Variants in CSMD1 observed in about 807,000 individuals in gnomAD.
CSMD1 encodes CUB and sushi domain-containing protein 1.
CSMD1 carries 213 observed loss-of-function variants against 417.5 expected under a neutral mutation model. That is an observed-to-expected ratio of 0.51 (90% CI 0.46 to 0.57). The LOEUF (loss-of-function observed/expected upper bound fraction) is 0.57, where lower values mean the gene tolerates loss of function less well. CSMD1 is among the 20% of genes least tolerant of loss of function. The pLI is 0.00. For synonymous variants in CSMD1, 2,862 were observed against 1,736.8 expected (o/e 1.65, Z -16.11); for missense variants, 6,923 against 4,529.7 (o/e 1.53, Z -15.17).
intron 2 of CSMD1, among the ~76,000 whole-genome samples, chr8:4,473,327 T>A (rs1308639210): frequency 6.6e-6 from 1 of 152,126 alleles, no homozygotes; most frequent in African/African-American, 2.4e-5. Flanking sequence ...GGAGGGAAAA[T>A]CAGCAGAGAC....
At chr8:3,450,014 C>T (rs764832203) in intron 12 of CSMD1, among the ~76,000 whole-genome samples, 10 of 152,216 alleles carry the variant, frequency 6.6e-5, no homozygotes, top group Admixed American at 2.6e-4. Context: ...ACCAGCTCCT[C>T]CTCATCGATG....
intron 1 of CSMD1, among the ~76,000 whole-genome samples, chr8:4,938,614 A>G (rs4581073): frequency 0.049 from 7,435 of 152,254 alleles, 212 homozygotes; most frequent in African/African-American, 0.064. Flanking sequence ...AAACATTTAT[A>G]CAAGCACATT....
At chr8:3,880,061 T>G (rs1001173732) in intron 5 of CSMD1, among the ~76,000 whole-genome samples, 1 of 152,168 alleles carries the variant, frequency 6.6e-6, no homozygotes, top group East Asian at 1.9e-4. Context: ...GATTTTCTTT[T>G]TTTTTTGACT....
At position 3,899,949 on chromosome 8, in the gene CSMD1, G is replaced by C. The variant is rs534195021; in HGVS notation, c.818+97954C>G. ...AATATTTATAACTTAATTCCCATGGGAAGGGTAGTTGCTCTCCACTGGGCT... is the reference window on the plus strand; with the variant it reads ...AATATTTATAACTTAATTCCCATGGCAAGGGTAGTTGCTCTCCACTGGGCT... On this transcript the variant is annotated intron_variant, in intron 5 of 69. Coordinates refer to ENST00000635120, the MANE Select transcript of CSMD1 (RefSeq NM_033225.6). Among the ~76,000 whole-genome samples the C allele has an allele frequency of 2.2e-4, 34 of 152,366 alleles. No individual in the cohort carries two copies. The East Asian group carries it at 6.4e-3, about 28-fold the overall frequency.
At chr8:4,948,014 G>C (rs12541001) in intron 1 of CSMD1, among the ~76,000 whole-genome samples, 41,771 of 151,864 alleles carry the variant, frequency 0.28, 6,422 homozygotes, top group Non-Finnish European at 0.36. Context: ...CCACATGTCA[G>C]CTTGTGTTAC....
At chr8:4,030,297 C>T (rs1487822012) in intron 4 of CSMD1, among the ~76,000 whole-genome samples, 3 of 152,218 alleles carry the variant, frequency 2.0e-5, no homozygotes, top group East Asian at 3.9e-4. Context: ...AGGACCGCCA[C>T]CCATAGCAAA....
At chr8:4,614,329 A>C (rs2617106) in intron 2 of CSMD1, among the ~76,000 whole-genome samples, 45,854 of 151,936 alleles carry the variant, frequency 0.3, 7,604 homozygotes, top group African/African-American at 0.44. Context: ...TCCTGTCTTG[A>C]AGGTAGCACT....
At chr8:3,737,092 C>T (rs1298143469) in intron 6 of CSMD1, among the ~76,000 whole-genome samples, 1 of 152,200 alleles carries the variant, frequency 6.6e-6, no homozygotes, top group Non-Finnish European at 1.5e-5. Context: ...ATATTATAGT[C>T]ATGTAACTAC....
At chr8:3,039,309 C>T (rs73505050) in intron 50 of CSMD1, among the ~76,000 whole-genome samples, 34,538 of 139,558 alleles carry the variant, frequency 0.25, 4,264 homozygotes, top group East Asian at 0.42. Flanking sequence ...TTCCTCTCTC[C>T]CTCCCTTCCT....
chr8:4,317,352 T>G (rs1283638772), intron 3 of CSMD1, among the ~76,000 whole-genome samples: 1 of 152,196 alleles, frequency 6.6e-6, no homozygotes, highest in African/African-American at 2.4e-5. Context: ...GACTCCCACG[T>G]CTGTGTTATA....
rs925549356 is a variant in CSMD1, at chr8:3,118,527, G to A, written c.6302C>T (p.Ser2101Leu). The A allele has an allele frequency of 2.9e-5, 46 of 1,613,780 alleles. No homozygotes were observed. Among genetic ancestry groups the A allele is most frequent in the Non-Finnish European group, 3.7e-5 (44 of 1,179,850 alleles). The change falls in exon 42 of 70, where the codon TCG (serine) becomes TTG (leucine). Residue 2101 changes from serine (S) to leucine (L), a missense_variant. Physicochemically the swap from Ser to Leu is moderately radical, Grantham distance 145. Coordinates refer to ENST00000635120, the MANE Select transcript of CSMD1 (RefSeq NM_033225.6). The stretch of plus-strand genomic sequence containing the variant: ...TACTGATTGCCCCACGCTGTAATCC[G>A]AGTTGATCATGTACCCATTCTGAAA... ...PPFQNGYMIN[S>L]DYSVGQSVSF...
At chr8:4,345,910 C>T (rs372691734) in intron 3 of CSMD1, among the ~76,000 whole-genome samples, 5 of 152,212 alleles carry the variant, frequency 3.3e-5, no homozygotes, top group Admixed American at 2.6e-4. Flanking sequence ...TCAGTCAAGA[C>T]GTAACAAGGG....
At chr8:4,318,447 G>A (rs958932510) in intron 3 of CSMD1, among the ~76,000 whole-genome samples, 1 of 151,962 alleles carries the variant, frequency 6.6e-6, no homozygotes, top group African/African-American at 2.4e-5. Context: ...AAATTACATT[G>A]AGTTAAAAGG....
At chr8:3,620,262 A>G (rs1802359233) in intron 7 of CSMD1, among the ~76,000 whole-genome samples, 1 of 146,616 alleles carries the variant, frequency 6.8e-6, no homozygotes, top group African/African-American at 2.8e-5. Flanking sequence ...GTTTATTACC[A>G]ATGTATGTTC....
chr8:4,931,901 T>C (rs1258297278), intron 1 of CSMD1, among the ~76,000 whole-genome samples: 1 of 152,228 alleles, frequency 6.6e-6, no homozygotes, highest in Admixed American at 6.5e-5. Flanking sequence ...ATATGTACTT[T>C]AGAAATGTCC....
intron 3 of CSMD1, among the ~76,000 whole-genome samples, chr8:4,390,497 T>TTTTATTTATTTA (rs142679522): frequency 0.013 from 1,804 of 140,346 alleles, 24 homozygotes; most frequent in African/African-American, 0.024. Flanking sequence ...AAGCGTCCAT[T>TTTTATTTATTTA]TTTATTTATT....
At chr8:3,517,342 A>C (rs1488916383) in intron 10 of CSMD1, among the ~76,000 whole-genome samples, 1 of 152,220 alleles carries the variant, frequency 6.6e-6, no homozygotes, top group Admixed American at 6.5e-5. Flanking sequence ...AAATTTAAGG[A>C]AACAAGCAAA....
At chr8:3,933,265 A>C (rs567514706) in intron 5 of CSMD1, among the ~76,000 whole-genome samples, 1 of 152,326 alleles carries the variant, frequency 6.6e-6, no homozygotes, top group African/African-American at 2.4e-5. Flanking sequence ...TAAATTGACT[A>C]ATCTAAAATA....
intron 26 of CSMD1, among the ~76,000 whole-genome samples, chr8:3,266,604 C>CAAAA (rs60439183): frequency 0.029 from 738 of 25,518 alleles, 53 homozygotes; most frequent in African/African-American, 0.048. Flanking sequence ...GACTCCCTCT[C>CAAAA]AAAAAAAAAA....
Sources: gnomAD v4.1 joint callset for allele counts (sites outside exome capture counted in the v4.1 genomes callset) on GRCh38, gnomAD v4.1.1 for gene constraint, MANE v1.5 for transcripts, NCBI Gene and HGNC (gene_info 2026-07-23, HGNC 2026-07-21) for gene names.